The following KPNA1 variants were observed in gnomAD, a reference collection of about 807,000 sequenced individuals.
KPNA1 encodes the protein karyopherin subunit alpha 1, also known as importin subunit alpha-5.
In KPNA1, 10 loss-of-function variants were observed where a neutral mutation model predicts 70.5. That is an observed-to-expected ratio of 0.14 (90% CI 0.09 to 0.24). The LOEUF is 0.24. Ranked by LOEUF, KPNA1 falls within the 10% of genes least tolerant of loss-of-function variation. The probability of loss-of-function intolerance (pLI) is 1.00; values close to 1 mark genes in which losing one functional copy is unlikely to be tolerated. For synonymous variants in KPNA1, 192 were observed against 221.9 expected, an observed-to-expected ratio of 0.87 and a Z score of 1.20; for missense variants, 397 against 637.9, an observed-to-expected ratio of 0.62 and a Z score of 4.07.
chr3:122,458,622 G>A (rs2076289728), intron 5 of KPNA1, among the ~76,000 whole-genome samples: 1 of 152,150 alleles, frequency 6.6e-6, no homozygotes, highest in Non-Finnish European at 1.5e-5. Flanking sequence ...GAAGAGAAAT[G>A]ACAAAAGCCC....
At chr3:122,456,855 A>C (rs1488713590) in intron 5 of KPNA1, among the ~76,000 whole-genome samples, 1 of 152,198 alleles carries the variant, frequency 6.6e-6, no homozygotes, top group Non-Finnish European at 1.5e-5. Context: ...TAACAAGAGG[A>C]CCACTGAAAA....
At chr3:122,442,475 C>T (rs983929591) in intron 9 of KPNA1, among the ~76,000 whole-genome samples, 4 of 152,074 alleles carry the variant, frequency 2.6e-5, no homozygotes, top group Admixed American at 1.3e-4. Context: ...TTAACATTTA[C>T]GCAACATTTT....
intron 5 of KPNA1, chr3:122,457,806 C>G (rs1239250352): frequency 7.8e-7 from 1 of 1,289,862 alleles, no homozygotes; most frequent in Admixed American, 2.3e-5. Flanking sequence ...TTGCTGGCCA[C>G]TTTGCCGGTT....
At chr3:122,476,215 GC>G (rs2076496161) in intron 2 of KPNA1, among the ~76,000 whole-genome samples, 1 of 152,070 alleles carries the variant, frequency 6.6e-6, no homozygotes, top group Non-Finnish European at 1.5e-5. Flanking sequence ...AATAAATGGG[GC>G]TCAAAAAATT....
At chr3:122,509,428 A>G (rs1254033300) in intron 1 of KPNA1, among the ~76,000 whole-genome samples, 1 of 152,216 alleles carries the variant, frequency 6.6e-6, no homozygotes, top group Non-Finnish European at 1.5e-5. Context: ...AAGAGTATAT[A>G]TAACACAGGG....
At chr3:122,445,819 G>C (rs1426506358) in intron 9 of KPNA1, among the ~76,000 whole-genome samples, 1 of 152,110 alleles carries the variant, frequency 6.6e-6, no homozygotes, top group Non-Finnish European at 1.5e-5. Context: ...TAAAGGGATG[G>C]AGGAAGATGT....
intron 9 of KPNA1, among the ~76,000 whole-genome samples, chr3:122,447,230 T>G (rs2076149877): frequency 6.6e-6 from 1 of 152,044 alleles, no homozygotes; most frequent in African/African-American, 2.4e-5. Context: ...AAAAGAAAAT[T>G]TTAGACCAAT....
chr3:122,459,816 C>T, intron 5 of KPNA1: 1 of 985,340 alleles, frequency 1.0e-6, no homozygotes, highest in Non-Finnish European at 1.2e-6. Flanking sequence ...GAACTCATCA[C>T]CGCAACAAAG....
At position 122,491,592 on chromosome 3, in the gene KPNA1, T is replaced by C. The variant is rs115234893; in HGVS notation, c.129+4845A>G. Among the ~76,000 whole-genome samples the C allele has an allele frequency of 4.2e-3, 638 of 152,292 alleles. 4 individuals are homozygous for C. Among genetic ancestry groups the C allele is most frequent in the African/African-American group, 0.015 (606 of 41,560 alleles). On this transcript the variant is annotated intron_variant, in intron 2 of 13. Transcript: ENST00000344337. ...GAAGAATGAGATTAACACATTAAAT[T>C]TGTCAAAGACAATTTATAATGCAGT...
intron 1 of KPNA1, chr3:122,514,510 C>G (rs2076994884): frequency 6.6e-6 from 1 of 152,500 alleles, no homozygotes; most frequent in African/African-American, 2.4e-5. Flanking sequence ...TAGCCTCGAC[C>G]GGCGTTCCCG....
intron 2 of KPNA1, among the ~76,000 whole-genome samples, chr3:122,485,321 G>C (rs1047728415): frequency 2.0e-5 from 3 of 152,144 alleles, no homozygotes; most frequent in Non-Finnish European, 4.4e-5. Flanking sequence ...TAGATAAATA[G>C]ACCAATAGAA....
rs995885902 is a variant in KPNA1, at chr3:122,425,590, G to C, written c.*1395C>G. 6.6e-6 allele frequency: 1 copy of C among 152,448 alleles called. No homozygotes were observed. The highest frequency in any genetic ancestry group is 6.6e-5 in the Admixed American group (1 of 15,264). 9.4% of individuals were successfully genotyped at this position (152,448 alleles called of 1,614,324 possible). On this transcript the variant is annotated 3_prime_UTR_variant, in exon 14 of 14. Coordinates refer to ENST00000344337, the MANE Select transcript of KPNA1 (RefSeq NM_002264.4). ...TTTGCAGTTGTCTTGGCAATTAAGCGTATTTTTTCATTCCAGTCCAAGCAC... is the reference window on the plus strand; with the variant it reads ...TTTGCAGTTGTCTTGGCAATTAAGCCTATTTTTTCATTCCAGTCCAAGCAC...
At chr3:122,471,265 T>C (rs2076438980) in intron 2 of KPNA1, among the ~76,000 whole-genome samples, 1 of 152,234 alleles carries the variant, frequency 6.6e-6, no homozygotes, top group Non-Finnish European at 1.5e-5. Context: ...CCTTTATATT[T>C]AGTCCCGCAA....
chr3:122,445,738 G>C (rs1420725905), intron 9 of KPNA1, among the ~76,000 whole-genome samples: 8 of 152,084 alleles, frequency 5.3e-5, no homozygotes, highest in South Asian at 4.1e-4. Context: ...ATTGGATAAA[G>C]AGTCAAGACC....
At chr3:122,441,914 CA>C in intron 10 of KPNA1, 123 bp downstream of exon 10, 1 of 807,846 alleles carries the variant, frequency 1.2e-6, no homozygotes, top group Non-Finnish European at 2.1e-6. Flanking sequence ...CATTTTTAAA[CA>C]TTAGTGTAAC....
At chr3:122,500,830 A>G (rs2107503040) in intron 1 of KPNA1, among the ~76,000 whole-genome samples, 1 of 151,974 alleles carries the variant, frequency 6.6e-6, no homozygotes. Context: ...AGTTTTTCTC[A>G]ATCTAGCTAA....
Position 122,421,978 on chromosome 3 carries a change from C to G in KPNA1, c.*5007G>C, listed in dbSNP as rs1263945438. On this transcript the variant is annotated 3_prime_UTR_variant, in exon 14 of 14. Coordinates refer to ENST00000344337, the MANE Select transcript of KPNA1 (RefSeq NM_002264.4). ...CCTTCATTTAGTATTTATTGAATGT[C>G]TACTATGTGCAAGGCACTCACCCAT... is the stretch of plus-strand genomic sequence containing the variant. The G allele has an allele frequency of 6.6e-6, 1 of 152,186 alleles. No homozygotes were observed. Among genetic ancestry groups the G allele is most frequent in the Non-Finnish European group, 1.5e-5 (1 of 68,052 alleles). The allele number at this position is 152,186 out of a possible 1,614,324, so 9.4% of individuals were successfully genotyped here. A position where few individuals can be genotyped will look rare whatever the true frequency, so the allele number is the denominator to read the frequency against.
At chr3:122,480,476 G>T (rs372484055) in intron 2 of KPNA1, among the ~76,000 whole-genome samples, 3 of 151,982 alleles carry the variant, frequency 2.0e-5, no homozygotes, top group South Asian at 2.1e-4. Context: ...TATAAAAATA[G>T]TGAAATAAAC....
intron 2 of KPNA1, among the ~76,000 whole-genome samples, chr3:122,485,376 G>GT (rs895243631): frequency 1.3e-5 from 2 of 151,690 alleles, no homozygotes; most frequent in East Asian, 1.9e-4. Context: ...ATGGTCAACG[G>GT]TAAGTGTTTC....
Sources: gnomAD v4.1 joint callset for allele counts (sites outside exome capture counted in the v4.1 genomes callset) on GRCh38, gnomAD v4.1.1 for gene constraint, MANE v1.5 for transcripts, NCBI Gene and HGNC (gene_info 2026-07-23, HGNC 2026-07-21) for gene names.